CSTPP1: variants seen among roughly 807,000 people sequenced by gnomAD.
CSTPP1 encodes the protein UPF0705 protein C11orf49.
chr11:47,050,781 A>G, the CSTPP1 span, among the ~76,000 whole-genome samples: 1 of 152,186 alleles, frequency 6.6e-6, no homozygotes, highest in Non-Finnish European at 1.5e-5. Flanking sequence ...CCTTAAGACA[A>G]TAGCACTGCG....
At chr11:47,160,956 C>T in the CSTPP1 span, 3 of 777,752 alleles carry the variant, frequency 3.9e-6, no homozygotes, top group East Asian at 8.1e-5. Context: ...CAACAGCGAG[C>T]ACCTTCCTGC....
At chr11:47,114,000 A>T in the CSTPP1 span, among the ~76,000 whole-genome samples, 1 of 152,238 alleles carries the variant, frequency 6.6e-6, no homozygotes, top group Non-Finnish European at 1.5e-5. Context: ...TTAAGTCTTT[A>T]ATCCATCTTG....
the CSTPP1 span, among the ~76,000 whole-genome samples, chr11:47,031,430 G>T: frequency 6.6e-6 from 1 of 152,162 alleles, no homozygotes; most frequent in Non-Finnish European, 1.5e-5. Flanking sequence ...GGTGGCTCAC[G>T]TCTGTAATCC....
chr11:46,999,804 C>CT, the CSTPP1 span, among the ~76,000 whole-genome samples: 1 of 152,100 alleles, frequency 6.6e-6, no homozygotes, highest in African/African-American at 2.4e-5. Context: ...AAAAGTACTC[C>CT]TTGAAATTGT....
chr11:47,068,139 C>T, the CSTPP1 span, among the ~76,000 whole-genome samples: 11,892 of 152,176 alleles, frequency 0.078, 489 homozygotes, highest in Non-Finnish European at 0.089. Context: ...AGATCTGCAG[C>T]TTAAAGACTT....
chr11:47,117,409 G>A, the CSTPP1 span, among the ~76,000 whole-genome samples: 1 of 152,132 alleles, frequency 6.6e-6, no homozygotes, highest in East Asian at 1.9e-4. Context: ...AGTTTGGCTG[G>A]ATATGAAATT....
chr11:47,031,275 A>C, the CSTPP1 span, among the ~76,000 whole-genome samples: 3 of 152,262 alleles, frequency 2.0e-5, no homozygotes, highest in African/African-American at 2.4e-5. Flanking sequence ...GTTTGTTACT[A>C]GAAGAGAACA....
chr11:46,955,275 A>G, the CSTPP1 span, among the ~76,000 whole-genome samples: 516 of 151,444 alleles, frequency 3.4e-3, 1 homozygote, highest in Admixed American at 4.4e-3. Flanking sequence ...AAGGCCCCCA[A>G]TTGCATCTCT....
At chr11:46,973,053 T>G in the CSTPP1 span, among the ~76,000 whole-genome samples, 2 of 152,148 alleles carry the variant, frequency 1.3e-5, no homozygotes, top group African/African-American at 4.8e-5. Flanking sequence ...ACTCCTAGGT[T>G]TGTTGTAAGG....
At chr11:47,154,654 C>T in the CSTPP1 span, among the ~76,000 whole-genome samples, 32 of 152,182 alleles carry the variant, frequency 2.1e-4, no homozygotes, top group South Asian at 1.9e-3. Flanking sequence ...CCCAGGGTGG[C>T]GGTGTCTGTC....
At chr11:47,110,950 C>G in the CSTPP1 span, among the ~76,000 whole-genome samples, 2 of 143,042 alleles carry the variant, frequency 1.4e-5, no homozygotes, top group Non-Finnish European at 3.0e-5. Context: ...AGTGCAGTGG[C>G]GCAATCACGG....
the CSTPP1 span, among the ~76,000 whole-genome samples, chr11:47,042,470 T>TGA: frequency 3.3e-5 from 5 of 149,614 alleles, no homozygotes; most frequent in African/African-American, 7.3e-5. Flanking sequence ...TGTGTGTGTG[T>TGA]GAGAGAGAGA....
At chr11:46,978,113 A>T in the CSTPP1 span, among the ~76,000 whole-genome samples, 1 of 152,262 alleles carries the variant, frequency 6.6e-6, no homozygotes, top group Admixed American at 6.5e-5. Flanking sequence ...AATGTCTACC[A>T]TGTGAAAGAC....
the CSTPP1 span, among the ~76,000 whole-genome samples, chr11:47,019,942 T>C: frequency 1.3e-5 from 2 of 152,182 alleles, no homozygotes; most frequent in African/African-American, 4.8e-5. Context: ...CATGCTATTC[T>C]GTATAATGAA....
At chr11:46,974,904 A>AC in the CSTPP1 span, among the ~76,000 whole-genome samples, 6 of 139,720 alleles carry the variant, frequency 4.3e-5, no homozygotes, top group South Asian at 4.6e-4. Context: ...ACACACACAC[A>AC]ATACTCCAAT....
At chr11:47,014,744 AAAGG>A in the CSTPP1 span, among the ~76,000 whole-genome samples, 9 of 147,756 alleles carry the variant, frequency 6.1e-5, no homozygotes, top group East Asian at 6.1e-4. Flanking sequence ...AGAGAGAAGG[AAAGG>A]AAGGAAGGGA....
the CSTPP1 span, chr11:47,155,009 G>A: frequency 3.1e-6 from 2 of 644,160 alleles, no homozygotes; most frequent in Non-Finnish European, 5.6e-6. Context: ...CTTGCTTTTG[G>A]GAGCCCTCTC....
At chr11:47,122,091 A>AAAAAAAATATATAT in the CSTPP1 span, among the ~76,000 whole-genome samples, 1 of 31,840 alleles carries the variant, frequency 3.1e-5, no homozygotes, top group African/African-American at 9.7e-5. Flanking sequence ...AAAAAAAAAA[A>AAAAAAAATATATAT]ATATATATAT....
chr11:47,120,346 T>C, the CSTPP1 span, among the ~76,000 whole-genome samples: 2 of 152,182 alleles, frequency 1.3e-5, no homozygotes, highest in Non-Finnish European at 2.9e-5. This position sits in a 1 kb window ranked among gnomAD's most constrained non-coding sequence, Gnocchi z 4.2. Flanking sequence ...CTTGGTCTAA[T>C]GGGACCTTGG....
Sources: gnomAD v4.1 joint callset for allele counts (sites outside exome capture counted in the v4.1 genomes callset) on GRCh38, gnomAD v4.1.1 for gene constraint, Gnocchi (gnomAD v3.1) non-coding constraint, MANE v1.5 for transcripts, NCBI Gene and HGNC (gene_info 2026-07-23, HGNC 2026-07-21) for gene names.